Variants in CELF1 observed in about 807,000 individuals in gnomAD.
The protein encoded by CELF1 is CUGBP Elav-like family member 1, also known as 50 kDa nuclear polyadenylated RNA-binding protein.
Under a neutral mutation model 61.8 loss-of-function variants are expected in CELF1, and 10 were observed. The observed-to-expected ratio is 0.16, with a 90% confidence interval of 0.10 to 0.27. The LOEUF is 0.27. CELF1 is among the 10% of genes least tolerant of loss of function. CELF1 has a pLI of 1.00. For synonymous variants in CELF1, 236 were observed against 225.1 expected, an observed-to-expected ratio of 1.05 and a Z score of -0.43; for missense variants, 380 against 639.1, an observed-to-expected ratio of 0.59 and a Z score of 4.37.
At chr11:47,534,468 T>A (rs991163197) in intron 1 of CELF1, among the ~76,000 whole-genome samples, 21 of 151,392 alleles carry the variant, frequency 1.4e-4, no homozygotes, top group African/African-American at 7.3e-5. Flanking sequence ...GGCTCATGCC[T>A]GTAATCCCAG....
rs2097005506 is a variant in CELF1 at position 47,547,670 on chromosome 11, AAAAAAAAAAAAAAG to A, written c.-154+5308_-154+5321del. Reference sequence around the variant, plus strand: ...GGCGACAAGAGCGAAACTCCATCTCAAAAAAAAAAAAAAGAAAAAAAAAAGGAAATTAGGTCCTG... The same window carrying A: ...GGCGACAAGAGCGAAACTCCATCTCAAAAAAAAAAAGGAAATTAGGTCCTG... On this transcript the variant is annotated intron_variant, in intron 1 of 14. Transcript: ENST00000687097. 4.9e-5 allele frequency among the ~76,000 whole-genome samples: 5 copies of A among 102,858 alleles called. No individual in the cohort carries two copies. In the South Asian group the frequency reaches 1.9e-3, roughly 39 times the overall value. 67.5% of individuals were successfully genotyped at this position (102,858 alleles called of 152,430 possible). A position where few individuals can be genotyped will look rare whatever the true frequency, so the allele number is the denominator to read the frequency against.
chr11:47,500,272 T>C (rs1445779245), intron 2 of CELF1, among the ~76,000 whole-genome samples: 1 of 152,140 alleles, frequency 6.6e-6, no homozygotes, highest in Non-Finnish European at 1.5e-5. Flanking sequence ...TGCTATCTAA[T>C]GGTTAGAGCA....
intron 7 of CELF1, among the ~76,000 whole-genome samples, chr11:47,484,090 T>C (rs948054062): frequency 2.0e-5 from 3 of 152,160 alleles, no homozygotes; most frequent in Non-Finnish European, 4.4e-5. Flanking sequence ...CCTGGCACTT[T>C]GGGAGGCCAA....
chr11:47,552,505 G>A (rs2097165754), intron 1 of CELF1, among the ~76,000 whole-genome samples: 1 of 152,224 alleles, frequency 6.6e-6, no homozygotes, highest in Non-Finnish European at 1.5e-5. Context: ...AGGGGCTCTC[G>A]AGGCTCGGGA....
At chr11:47,498,181 A>G (rs558487156) in intron 3 of CELF1, among the ~76,000 whole-genome samples, 1 of 152,340 alleles carries the variant, frequency 6.6e-6, no homozygotes, top group South Asian at 2.1e-4. Context: ...CCGAGGCAGC[A>G]GGATAGCTTG....
intron 2 of CELF1, among the ~76,000 whole-genome samples, chr11:47,563,503 T>C (rs1399343882): frequency 1.3e-5 from 2 of 152,048 alleles, no homozygotes; most frequent in Non-Finnish European, 2.9e-5. Context: ...CCGGCCAACA[T>C]GGTGAAACCC....
At chr11:47,537,310 C>T (rs2096654722) in intron 1 of CELF1, among the ~76,000 whole-genome samples, 1 of 150,560 alleles carries the variant, frequency 6.6e-6, no homozygotes, top group Non-Finnish European at 1.5e-5. Flanking sequence ...TGCAGTGGCG[C>T]CATCTTGGCT....
At chr11:47,552,238 G>C (rs1433165277) in intron 1 of CELF1, among the ~76,000 whole-genome samples, 1 of 152,144 alleles carries the variant, frequency 6.6e-6, no homozygotes. Flanking sequence ...ATGGGTATGA[G>C]CCTAAACCAA....
chr11:47,522,752 G>T (rs1196357622), intron 1 of CELF1, among the ~76,000 whole-genome samples: 2 of 151,728 alleles, frequency 1.3e-5, no homozygotes, highest in African/African-American at 4.8e-5. Context: ...CTTGAACCTG[G>T]GAGGTGGAGG....
rs1205205424 is a variant in CELF1, at chr11:47,484,467, C to T, written c.448G>A (p.Asp150Asn). Reference sequence around the variant, plus strand: ...AACGAAGAGAACATGACTCGGATGTCATTTTCAGTGCACTTCTTGGAAATC... The same window carrying T: ...AACGAAGAGAACATGACTCGGATGTTATTTTCAGTGCACTTCTTGGAAATC... Reference protein sequence around the residue: ...GMISKKCTENDIRVMFSSFGQ... With the variant: ...GMISKKCTENNIRVMFSSFGQ... The change falls in exon 7 of 15, where the codon GAC becomes AAC. Residue 150 changes from aspartate (D) to asparagine (N), a missense_variant. Coordinates refer to ENST00000687097, the MANE Select transcript of CELF1 (RefSeq NM_001376376.1). 3.7e-6 allele frequency: 6 copies of T among 1,613,564 alleles called. No individual in the cohort carries two copies. Among genetic ancestry groups the T allele is most frequent in the Non-Finnish European group, 5.1e-6 (6 of 1,179,830 alleles).
intron 1 of CELF1, among the ~76,000 whole-genome samples, chr11:47,507,775 CAGAG>C (rs1046559381): frequency 3.3e-5 from 5 of 152,110 alleles, no homozygotes; most frequent in Admixed American, 6.6e-5. Context: ...TCCCTGAAGA[CAGAG>C]AGATTTCTTA....
chr11:47,489,755 C>G (rs897996752), intron 3 of CELF1, among the ~76,000 whole-genome samples: 4 of 152,010 alleles, frequency 2.6e-5, no homozygotes, highest in Non-Finnish European at 4.4e-5. Flanking sequence ...ACCATTTTAA[C>G]GATCCCAAGT....
chr11:47,518,987 T>A (rs1175735461), intron 1 of CELF1, among the ~76,000 whole-genome samples: 1 of 152,236 alleles, frequency 6.6e-6, no homozygotes, highest in Non-Finnish European at 1.5e-5. Flanking sequence ...TTATTTTCTT[T>A]CTGTTCTTAA....
intron 1 of CELF1, chr11:47,523,930 TC>T (rs2096089004): frequency 6.6e-6 from 1 of 152,198 alleles, no homozygotes. Flanking sequence ...CCCAGTATCT[TC>T]TGAAAATAAC....
chr11:47,522,034 C>A (rs550908980), intron 1 of CELF1, among the ~76,000 whole-genome samples: 43 of 152,160 alleles, frequency 2.8e-4, no homozygotes, highest in African/African-American at 9.9e-4. Context: ...CCTCAGCCTC[C>A]CGAGTAGCTG....
intron 1 of CELF1, among the ~76,000 whole-genome samples, chr11:47,502,629 G>A (rs1280589529): frequency 1.3e-5 from 2 of 151,934 alleles, no homozygotes; most frequent in Admixed American, 6.6e-5. Context: ...TCAGGAGATC[G>A]AGACCATCCT....
At chr11:47,503,219 A>G (rs949411386) in intron 1 of CELF1, among the ~76,000 whole-genome samples, 6 of 152,366 alleles carry the variant, frequency 3.9e-5, no homozygotes, top group African/African-American at 1.4e-4. Flanking sequence ...GGAATAGTAT[A>G]AACTTAACAG....
At chr11:47,477,520 T>C in intron 10 of CELF1, 95 bp from the exon 11 acceptor site, 1 of 1,329,746 alleles carries the variant, frequency 7.5e-7, no homozygotes, top group Non-Finnish European at 1.1e-6. Flanking sequence ...GGCTGGTCCC[T>C]GACAAAGAGG....
chr11:47,562,091 T>A (rs2097227437), intron 2 of CELF1, among the ~76,000 whole-genome samples: 1 of 151,662 alleles, frequency 6.6e-6, no homozygotes, highest in Non-Finnish European at 1.5e-5. Context: ...CCAGGAGTGG[T>A]GGTGCATACC....
Sources: allele counts gnomAD v4.1 joint callset (sites outside exome capture counted in the v4.1 genomes callset), GRCh38; gene constraint gnomAD v4.1.1; transcripts MANE v1.5; gene names NCBI Gene and HGNC (gene_info 2026-07-23, HGNC 2026-07-21).